Variants in LARS1 observed in about 807,000 individuals in gnomAD.
LARS1 encodes the protein leucine--tRNA ligase, cytoplasmic.
Under a neutral mutation model 162.8 loss-of-function variants are expected in LARS1, and 100 were observed. That is an observed-to-expected ratio of 0.61 (90% CI 0.52 to 0.73). The LOEUF (loss-of-function observed/expected upper bound fraction) is 0.73, where lower values mean the gene tolerates loss of function less well. LARS1 is among the 30% of genes least tolerant of loss of function. LARS1 has a pLI of 0.00. For missense variants in LARS1, 1,258 were observed against 1,408.9 expected (o/e 0.89, Z 1.71); for synonymous variants, 457 against 462.8 (o/e 0.99, Z 0.16).
intron 14 of LARS1, among the ~76,000 whole-genome samples, 164 bp from the exon 15 acceptor site, chr5:146,149,863 G>C (rs1166235969): frequency 1.3e-5 from 2 of 152,032 alleles, no homozygotes; most frequent in South Asian, 4.1e-4. Flanking sequence ...GGTATAGCAT[G>C]GATAACTAAT....
rs192731900 is a variant in LARS1, at chr5:146,142,215, G to C, written c.2090+657C>G. The stretch of plus-strand genomic sequence containing the variant: ...AGACAGGAGAATTGCTTGAACCTTA[G>C]AGGCAGAGGATGCAGCAAGCTGAGT... On this transcript the variant is annotated intron_variant, in intron 20 of 31. Coordinates refer to ENST00000394434, the MANE Select transcript of LARS1 (RefSeq NM_020117.11). Among the ~76,000 whole-genome samples the C allele has an allele frequency of 3.6e-3, 543 of 152,126 alleles. 4 individuals are homozygous for C. The highest frequency in any genetic ancestry group is 4.6e-3 in the Non-Finnish European group (314 of 68,002).
In LARS1 at chr5:146,132,940, C is replaced by G. The variant is rs1752348190; in HGVS notation, c.2354G>C (p.Arg785Thr). 7 of 1,614,144 alleles carry G rather than the reference C, an allele frequency of 4.3e-6. No individual in the cohort carries two copies. The highest frequency in any genetic ancestry group is 5.1e-6 in the Non-Finnish European group (6 of 1,179,988). ...KEMVANWDSL[R>T]SGPASTFNDR... Reference sequence around the variant, plus strand: ...ATTGAAAGTGCTGGCAGGACCACTTCTTAGGCTGTCCCAGTTGGCAACCAT... The same window carrying G: ...ATTGAAAGTGCTGGCAGGACCACTTGTTAGGCTGTCCCAGTTGGCAACCAT... Residue 785 changes from arginine (R) to threonine (T), a missense_variant, in exon 23 of 32, where the codon AGA (arginine) becomes ACA (threonine). Arg to Thr is a moderately conservative substitution (Grantham distance 71). Coordinates refer to ENST00000394434, the MANE Select transcript of LARS1 (RefSeq NM_020117.11).
intron 15 of LARS1, among the ~76,000 whole-genome samples, chr5:146,146,618 T>C (rs1753021269): frequency 7.4e-6 from 1 of 135,526 alleles, no homozygotes; most frequent in Admixed American, 7.8e-5. Context: ...ACAAGTATCA[T>C]AGTAAAAATA....
chr5:146,143,737 G>A (rs370620616), intron 18 of LARS1, among the ~76,000 whole-genome samples, 187 bp from the exon 19 acceptor site: 12 of 152,126 alleles, frequency 7.9e-5, no homozygotes, highest in African/African-American at 2.4e-4. Context: ...GGTGGCTCAC[G>A]CCTATAATCC....
chr5:146,119,347 G>C (rs930268875), intron 31 of LARS1, among the ~76,000 whole-genome samples: 10 of 152,240 alleles, frequency 6.6e-5, no homozygotes, highest in African/African-American at 2.2e-4. Context: ...AACTTCGAGA[G>C]AACACAAAAT....
rs755259266 is a variant in LARS1, at chr5:146,182,523, C to T, written c.-30G>A. ...CCGCCCAGCCGACTGTGCAAATCCA[C>T]GACAATGACCCTGGCGACCTCCACA... On this transcript the variant is annotated 5_prime_UTR_variant, in exon 1 of 32. The change creates a new upstream start codon in the 5' untranslated region. Coordinates refer to ENST00000394434, the MANE Select transcript of LARS1 (RefSeq NM_020117.11). 3.2e-5 allele frequency: 52 copies of T among 1,613,816 alleles called. No homozygotes were observed. The highest frequency in any genetic ancestry group is 3.3e-4 in the Middle Eastern group (2 of 6,080).
intron 10 of LARS1, 65 bp from the exon 11 acceptor site, chr5:146,154,045 A>G (rs1561819197): frequency 8.7e-7 from 1 of 1,155,744 alleles, no homozygotes; most frequent in Non-Finnish European, 1.2e-6. Context: ...AATTAAAACT[A>G]TGTTAATATT....
intron 10 of LARS1, among the ~76,000 whole-genome samples, chr5:146,156,720 G>A: frequency 6.7e-6 from 1 of 150,208 alleles, no homozygotes. Context: ...ATAAAATAAA[G>A]TAGATGAGCT....
chr5:146,128,143 T>C (rs1325212671), intron 27 of LARS1, among the ~76,000 whole-genome samples: 1 of 152,130 alleles, frequency 6.6e-6, no homozygotes, highest in Non-Finnish European at 1.5e-5. Flanking sequence ...TCCCTTTAAG[T>C]GGATTTATCA....
At chr5:146,173,446 T>C (rs906651333) in intron 2 of LARS1, among the ~76,000 whole-genome samples, 1 of 151,870 alleles carries the variant, frequency 6.6e-6, no homozygotes, top group African/African-American at 2.4e-5. Context: ...ACTAGATATA[T>C]ATATAAAGCA....
At chr5:146,133,623 G>GA (rs1476053707) in intron 22 of LARS1, among the ~76,000 whole-genome samples, 2 of 110,192 alleles carry the variant, frequency 1.8e-5, no homozygotes, top group Non-Finnish European at 3.5e-5. Flanking sequence ...CTAAAATATT[G>GA]AAAAAAAGAA....
At chr5:146,162,444 G>A (rs1753817938) in intron 6 of LARS1, among the ~76,000 whole-genome samples, 1 of 152,034 alleles carries the variant, frequency 6.6e-6, no homozygotes, top group South Asian at 2.1e-4. Flanking sequence ...CTGAGCAGTA[G>A]GTCTCAAGAG....
At chr5:146,115,040 C>CG (rs199997204) in intron 31 of LARS1, among the ~76,000 whole-genome samples, 9,403 of 89,524 alleles carry the variant, frequency 0.11, 364 homozygotes, top group African/African-American at 0.12. Flanking sequence ...AAGATTCTGT[C>CG]GGGGGGAAAA....
intron 2 of LARS1, 52 bp from the exon 3 acceptor site, chr5:146,172,826 C>T: frequency 1.0e-6 from 1 of 964,486 alleles, no homozygotes; most frequent in Middle Eastern, 2.6e-4. Context: ...ATGTTAAGTT[C>T]CTTTTACAAT....
intron 10 of LARS1, among the ~76,000 whole-genome samples, chr5:146,155,615 C>T (rs1753490929): frequency 6.6e-6 from 1 of 152,168 alleles, no homozygotes. Context: ...ACATAATTCC[C>T]ACCCACCCCT....
At chr5:146,154,069 A>G (rs1753415139) in intron 10 of LARS1, 89 bp from the exon 11 acceptor site, 1 of 864,878 alleles carries the variant, frequency 1.2e-6, no homozygotes, top group African/African-American at 1.7e-5. Flanking sequence ...AGCCCTGAGA[A>G]GCTAGTAATC....
chr5:146,168,866 T>C (rs772673358), intron 4 of LARS1, among the ~76,000 whole-genome samples: 2 of 151,872 alleles, frequency 1.3e-5, no homozygotes. Context: ...GGAAACATAA[T>C]GTGTTATCAT....
At chr5:146,150,856 T>C (rs1460516716) in intron 14 of LARS1, among the ~76,000 whole-genome samples, 1 of 151,218 alleles carries the variant, frequency 6.6e-6, no homozygotes. Flanking sequence ...GGAGAATCGC[T>C]TGAACCCGGA....
intron 2 of LARS1, among the ~76,000 whole-genome samples, chr5:146,177,092 T>G (rs554880296): frequency 6.6e-6 from 1 of 152,278 alleles, no homozygotes; most frequent in Admixed American, 6.5e-5. Flanking sequence ...TCCTTCACCC[T>G]GTTTCAGGCA....
Sources: allele counts gnomAD v4.1 joint callset (sites outside exome capture counted in the v4.1 genomes callset), GRCh38; gene constraint gnomAD v4.1.1; transcripts MANE v1.5; gene names NCBI Gene and HGNC (gene_info 2026-07-23, HGNC 2026-07-21).